COL4A6: variants seen among roughly 807,000 people sequenced by gnomAD.
The protein encoded by COL4A6 is collagen type IV alpha 6 chain.
Under a neutral mutation model 126.7 loss-of-function variants are expected in COL4A6, and 59 were observed. That is an observed-to-expected ratio of 0.47 (90% confidence interval 0.38 to 0.58). The LOEUF is 0.58. Ranked by LOEUF, COL4A6 falls within the 20% of genes least tolerant of loss-of-function variation. The pLI is 0.00. For missense variants in COL4A6, 1,285 were observed against 1,337.3 expected (o/e 0.96, Z 0.61); for synonymous variants, 547 against 496.6 (o/e 1.10, Z -1.35).
intron 3 of COL4A6, among the ~76,000 whole-genome samples, chrX:108,241,524 AC>A (rs2036571600): frequency 9.7e-6 from 1 of 103,197 alleles, no homozygotes; most frequent in Non-Finnish European, 1.9e-5. Context: ...TAATAAATAT[AC>A]ATAATAATAT....
At chrX:108,258,382 G>A (rs939575018) in intron 3 of COL4A6, among the ~76,000 whole-genome samples, 2 of 111,836 alleles carry the variant, frequency 1.8e-5, no homozygotes, top group Non-Finnish European at 3.8e-5. Flanking sequence ...GAAAACTAGA[G>A]GTATAAGTCA....
chrX:108,304,369 TG>T (rs1265383487), intron 3 of COL4A6, among the ~76,000 whole-genome samples: 1 of 111,802 alleles, frequency 8.9e-6, no homozygotes, highest in African/African-American at 3.3e-5. Flanking sequence ...TTAATTATCC[TG>T]AACCGAAAGA....
At chrX:108,317,322 G>C (rs2038903461) in intron 2 of COL4A6, among the ~76,000 whole-genome samples, 1 of 111,876 alleles carries the variant, frequency 8.9e-6, no homozygotes, top group Non-Finnish European at 1.9e-5. Flanking sequence ...AAGCTTGCTT[G>C]GGAAGCGTCA....
chrX:108,319,355 TA>T (rs1387778642), intron 2 of COL4A6, among the ~76,000 whole-genome samples: 2 of 111,550 alleles, frequency 1.8e-5, no homozygotes, highest in Non-Finnish European at 3.8e-5. Context: ...AGACCCTCTC[TA>T]AAAAAACAAA....
At chrX:108,339,733 C>T (rs957601726) in intron 2 of COL4A6, among the ~76,000 whole-genome samples, 25 of 111,561 alleles carry the variant, frequency 2.2e-4, no homozygotes, top group African/African-American at 7.5e-4. Context: ...CTGTCCTGAA[C>T]TGCTCTCTCT....
chrX:108,286,066 G>A (rs2147826562), intron 3 of COL4A6, among the ~76,000 whole-genome samples: 1 of 111,904 alleles, frequency 8.9e-6, no homozygotes, highest in East Asian at 2.8e-4. Flanking sequence ...TTCAGGAGTA[G>A]GGTATAAATA....
At chrX:108,267,631 A>G (rs2037344802) in intron 3 of COL4A6, 1 of 112,706 alleles carries the variant, frequency 8.9e-6, no homozygotes, top group Non-Finnish European at 1.9e-5. Context: ...GTACATACAT[A>G]CACACATGTA....
intron 2 of COL4A6, among the ~76,000 whole-genome samples, chrX:108,358,728 T>C (rs2040013800): frequency 8.9e-6 from 1 of 112,074 alleles, no homozygotes; most frequent in South Asian, 3.7e-4. Flanking sequence ...CTCTTCCCAT[T>C]CTATTGGTTA....
chrX:108,217,964 G>T (rs1165231945), intron 5 of COL4A6, among the ~76,000 whole-genome samples: 2 of 111,834 alleles, frequency 1.8e-5, no homozygotes, highest in Non-Finnish European at 3.8e-5. Flanking sequence ...ATTAAGAGGG[G>T]TCTGAACAGC....
chrX:108,359,635 C>A (rs1331616798), intron 2 of COL4A6, among the ~76,000 whole-genome samples: 1 of 112,131 alleles, frequency 8.9e-6, no homozygotes, highest in Non-Finnish European at 1.9e-5. Context: ...CTACTAGGTG[C>A]CTACTTTGTG....
At chrX:108,251,380 G>A (rs768256522) in intron 3 of COL4A6, among the ~76,000 whole-genome samples, 232 of 111,372 alleles carry the variant, frequency 2.1e-3, no homozygotes, top group Non-Finnish European at 3.3e-3. Context: ...GATGTGAGCT[G>A]TCTGTTGTCT....
chrX:108,314,266 A>G (rs2038830235), intron 2 of COL4A6, among the ~76,000 whole-genome samples: 1 of 111,767 alleles, frequency 8.9e-6, no homozygotes, highest in East Asian at 2.8e-4. Context: ...GTATTGGTCT[A>G]ATCCAAATCA....
intron 2 of COL4A6, among the ~76,000 whole-genome samples, chrX:108,408,545 G>A (rs1424863998): frequency 1.8e-5 from 2 of 111,681 alleles, no homozygotes; most frequent in East Asian, 5.5e-4. Flanking sequence ...AAAAAATGCA[G>A]GATCAAGTTG....
At chrX:108,188,790 T>C in intron 20 of COL4A6, 113 bp from the exon 21 acceptor site, 2 of 760,741 alleles carry the variant, frequency 2.6e-6, no homozygotes, top group Non-Finnish European at 3.6e-6. Context: ...ATCTGAAGGC[T>C]TGCAGAGAAC....
intron 2 of COL4A6, among the ~76,000 whole-genome samples, chrX:108,403,811 G>A (rs988855131): frequency 3.6e-5 from 4 of 111,419 alleles, no homozygotes; most frequent in African/African-American, 1.3e-4. Flanking sequence ...CTCAGTACTT[G>A]GTGATCTTTG....
At chrX:108,244,685 G>T (rs1007648650) in intron 3 of COL4A6, among the ~76,000 whole-genome samples, 2 of 111,833 alleles carry the variant, frequency 1.8e-5, no homozygotes, top group Non-Finnish European at 3.8e-5. Context: ...TGCTGAAATG[G>T]TTGGAATGAG....
chrX:108,180,339 T>C (rs1421170286), intron 25 of COL4A6, among the ~76,000 whole-genome samples, 176 bp downstream of exon 25: 2 of 111,847 alleles, frequency 1.8e-5, no homozygotes, highest in African/African-American at 3.3e-5. Context: ...TGTCATTCTA[T>C]GGCTGTATGC....
chrX:108,357,094 G>A (rs1178034385), intron 2 of COL4A6, among the ~76,000 whole-genome samples: 1 of 111,309 alleles, frequency 9.0e-6, no homozygotes, highest in Non-Finnish European at 1.9e-5. Context: ...GGTTTTTCTA[G>A]TATTACCTTC....
chrX:108,321,493 A>G (rs1168331309), intron 2 of COL4A6, among the ~76,000 whole-genome samples: 1 of 111,428 alleles, frequency 9.0e-6, no homozygotes, highest in Non-Finnish European at 1.9e-5. Context: ...TACTCTACTT[A>G]CTTCACAATA....
Sources: allele counts gnomAD v4.1 joint callset (sites outside exome capture counted in the v4.1 genomes callset), GRCh38; gene constraint gnomAD v4.1.1; transcripts MANE v1.5; gene names NCBI Gene and HGNC (gene_info 2026-07-23, HGNC 2026-07-21).